Variants in CAMK2D observed in about 807,000 individuals in gnomAD.
The protein encoded by CAMK2D is calcium/calmodulin-dependent protein kinase type II subunit delta.
In CAMK2D, 37 loss-of-function variants were observed where a neutral mutation model predicts 84.0. That is an observed-to-expected ratio of 0.44 (90% CI 0.34 to 0.58). CAMK2D has a LOEUF of 0.58. Ranked by LOEUF, CAMK2D falls within the 20% of genes least tolerant of loss-of-function variation. CAMK2D has a pLI of 0.02. For synonymous variants in CAMK2D, 202 were observed against 212.5 expected, an observed-to-expected ratio of 0.95 and a Z score of 0.43; for missense variants, 448 against 652.5, an observed-to-expected ratio of 0.69 and a Z score of 3.41.
chr4:113,493,806 A>C (rs1399756165), intron 16 of CAMK2D, among the ~76,000 whole-genome samples: 1 of 151,220 alleles, frequency 6.6e-6, no homozygotes, highest in Non-Finnish European at 1.5e-5. Flanking sequence ...TGGTCTTTTC[A>C]CATAGTCCCA....
At chr4:113,683,444 G>C (rs2099351380) in intron 2 of CAMK2D, among the ~76,000 whole-genome samples, 1 of 152,152 alleles carries the variant, frequency 6.6e-6, no homozygotes, top group Non-Finnish European at 1.5e-5. Flanking sequence ...CCAATGAAGA[G>C]CACATGACAC....
chr4:113,472,895 C>A (rs2097563444), intron 16 of CAMK2D, among the ~76,000 whole-genome samples: 1 of 152,212 alleles, frequency 6.6e-6, no homozygotes, highest in Admixed American at 6.5e-5. Flanking sequence ...TTCTACATTT[C>A]TTACAGGTTA....
Position 113,641,608 on chromosome 4 carries a change from GC to G in CAMK2D, c.220+20104del, listed in dbSNP as rs1343795559. On this transcript the variant is annotated intron_variant, in intron 3 of 20. Transcript: ENST00000511664. The stretch of plus-strand genomic sequence containing the variant: ...TTTAATAGAAAGTTCCTGGCTCAAA[GC>G]TTTACTGGGAATTTAGTTTTCTAAA... Among the ~76,000 whole-genome samples, 13 of 152,186 alleles carry G rather than the reference GC, an allele frequency of 8.5e-5. 1 individual carries two copies. The highest frequency in any genetic ancestry group is 8.5e-4 in the Admixed American group (13 of 15,278).
chr4:113,503,744 G>T (rs376539785), intron 14 of CAMK2D, among the ~76,000 whole-genome samples: 2,313 of 152,196 alleles, frequency 0.015, 70 homozygotes, highest in African/African-American at 0.052. Context: ...GAAAGTATGG[G>T]TTTTCTATTG....
intron 20 of CAMK2D, among the ~76,000 whole-genome samples, chr4:113,455,201 C>T (rs1472612891): frequency 6.6e-6 from 1 of 152,194 alleles, no homozygotes; most frequent in Non-Finnish European, 1.5e-5. Flanking sequence ...CAATTATCCT[C>T]TGGAATTACC....
At chr4:113,745,529 C>T (rs1024743594) in intron 2 of CAMK2D, among the ~76,000 whole-genome samples, 1 of 152,042 alleles carries the variant, frequency 6.6e-6, no homozygotes, top group African/African-American at 2.4e-5. Flanking sequence ...TCTTCATGTC[C>T]CCCACAGCTT....
chr4:113,469,199 A>C (rs1319959853), intron 16 of CAMK2D, among the ~76,000 whole-genome samples: 1 of 152,210 alleles, frequency 6.6e-6, no homozygotes. Context: ...CTACATAATA[A>C]AACAACTTAC....
At chr4:113,689,796 C>T (rs2099379748) in intron 2 of CAMK2D, among the ~76,000 whole-genome samples, 1 of 152,176 alleles carries the variant, frequency 6.6e-6, no homozygotes, top group South Asian at 2.1e-4. Context: ...CATTTTATCA[C>T]AAGTTTGACA....
chr4:113,455,706 C>G lies in CAMK2D; in HGVS notation c.*29+20G>C, dbSNP rs373513807. ...ATTCAGCTCCAGTCACAAAGTATCA[C>G]GGAGCAGGATGTTACTTACAAGACC... On this transcript the variant is annotated intron_variant, in intron 20 of 20. Coordinates refer to ENST00000511664, the MANE Select transcript of CAMK2D (RefSeq NM_001321571.2). The G allele has an allele frequency of 1.5e-6, 2 of 1,379,120 alleles. No individual in the cohort carries two copies. The highest frequency in any genetic ancestry group is 2.3e-5 in the East Asian group (1 of 43,546). 85.4% of individuals were successfully genotyped at this position (1,379,120 alleles called of 1,614,324 possible).
At position 113,500,421 on chromosome 4, in the gene CAMK2D, G is replaced by A. The variant is rs778562967; in HGVS notation, c.1135+42C>T. ...CACTTTTTTTTTCATATATATATGT[G>A]AAGCTCTGAGGTAGGATTTTCCATT... On this transcript the variant is annotated intron_variant, in intron 16 of 20. Transcript: ENST00000511664. 4 of 1,247,226 alleles carry A rather than the reference G, an allele frequency of 3.2e-6. No individual in the cohort carries two copies. In the Admixed American group the frequency reaches 7.6e-5, roughly 24 times the overall value. The allele number at this position is 1,247,226 out of a possible 1,614,324, so 77.3% of individuals were successfully genotyped here.
At chr4:113,477,517 G>A (rs2097645297) in intron 16 of CAMK2D, among the ~76,000 whole-genome samples, 3 of 151,738 alleles carry the variant, frequency 2.0e-5, no homozygotes. Flanking sequence ...AGGCTGAGGT[G>A]AATGGATCAC....
At chr4:113,486,810 G>T (rs1437819489) in intron 16 of CAMK2D, among the ~76,000 whole-genome samples, 3 of 152,152 alleles carry the variant, frequency 2.0e-5, no homozygotes, top group Non-Finnish European at 4.4e-5. Context: ...AAGTGCTATT[G>T]ATCACGATTC....
At position 113,574,512 on chromosome 4, in the gene CAMK2D, C is replaced by G. The variant is rs376172843; in HGVS notation, c.276-22416G>C. Among the ~76,000 whole-genome samples the G allele has an allele frequency of 2.4e-3, 372 of 152,272 alleles. 5 individuals are homozygous for G. The highest frequency in any genetic ancestry group is 2.5e-4 in the Non-Finnish European group (17 of 68,018). ...CGAAGGAAAAGGGCTAGTATTAGAA[C>G]CCAAAAGCCTGATTCCTCACTGCAT... is the stretch of plus-strand genomic sequence containing the variant. On this transcript the variant is annotated intron_variant, in intron 4 of 20. Coordinates refer to ENST00000511664, the MANE Select transcript of CAMK2D (RefSeq NM_001321571.2).
At chr4:113,758,397 TGGTAA>T (rs1294361340) in intron 2 of CAMK2D, among the ~76,000 whole-genome samples, 1 of 152,170 alleles carries the variant, frequency 6.6e-6, no homozygotes, top group African/African-American at 2.4e-5. Context: ...GCCAGGATTT[TGGTAA>T]GAAGCACTTT....
chr4:113,733,350 T>G (rs1446203583), intron 2 of CAMK2D, among the ~76,000 whole-genome samples: 4 of 152,262 alleles, frequency 2.6e-5, no homozygotes, highest in African/African-American at 4.8e-5. Context: ...TTACTTTAGT[T>G]AGTTTTAAAA....
intron 2 of CAMK2D, among the ~76,000 whole-genome samples, chr4:113,725,221 T>C (rs547395470): frequency 6.6e-6 from 1 of 152,198 alleles, no homozygotes; most frequent in East Asian, 1.9e-4. Flanking sequence ...ATCATGTGTA[T>C]ATATAACTAT....
intron 4 of CAMK2D, among the ~76,000 whole-genome samples, chr4:113,556,026 A>G (rs148957670): frequency 2.6e-5 from 4 of 152,308 alleles, no homozygotes; most frequent in African/African-American, 7.2e-5. Flanking sequence ...CGCTGATATC[A>G]GACTTCCAGC....
rs1594304095 is a variant in CAMK2D, at chr4:113,761,604, G to A, written c.-536C>T. 5.1e-6 allele frequency: 5 copies of A among 984,994 alleles called. No homozygotes were observed. In the African/African-American group the frequency reaches 7.0e-5, roughly 14 times the overall value. The allele number at this position is 984,994 out of a possible 1,614,324, so 61.0% of individuals were successfully genotyped here. ...CAGGCTCAGGCGCGGGGCGCGCCGG[G>A]GCTCCGACGAGCGTGCGCGCCCGAG... On this transcript the variant is annotated 5_prime_UTR_variant, in exon 1 of 21. Transcript: ENST00000511664.
chr4:113,638,762 C>A (rs1404346107), intron 3 of CAMK2D, among the ~76,000 whole-genome samples: 1 of 151,778 alleles, frequency 6.6e-6, no homozygotes, highest in Non-Finnish European at 1.5e-5. Context: ...ATTCAGACAC[C>A]AGAAAAAAAC....
Sources: allele counts gnomAD v4.1 joint callset (sites outside exome capture counted in the v4.1 genomes callset), GRCh38; gene constraint gnomAD v4.1.1; transcripts MANE v1.5; gene names NCBI Gene and HGNC (gene_info 2026-07-23, HGNC 2026-07-21).